Variants in SEMA5B observed in about 807,000 individuals in gnomAD.
SEMA5B encodes semaphorin-5B.
Under a neutral mutation model 135.0 loss-of-function variants are expected in SEMA5B, and 66 were observed. That is an observed-to-expected ratio of 0.49 (90% CI 0.40 to 0.60). SEMA5B has a LOEUF of 0.60. SEMA5B is among the 20% of genes least tolerant of loss of function. The probability of loss-of-function intolerance (pLI) is 0.00; values close to 1 mark genes in which losing one functional copy is unlikely to be tolerated. For synonymous variants in SEMA5B, 690 were observed against 639.5 expected (o/e 1.08, Z -1.19); for missense variants, 1,501 against 1,566.3 (o/e 0.96, Z 0.70).
intron 2 of SEMA5B, among the ~76,000 whole-genome samples, chr3:122,955,633 A>G (rs1940259467): frequency 6.6e-6 from 1 of 152,216 alleles, no homozygotes; most frequent in South Asian, 2.1e-4. Flanking sequence ...AGGGTTGTAT[A>G]GTATCATAGA....
intron 5 of SEMA5B, among the ~76,000 whole-genome samples, chr3:122,935,751 C>T (rs1353789539): frequency 3.1e-5 from 4 of 128,424 alleles, no homozygotes; most frequent in African/African-American, 6.1e-5. Flanking sequence ...GGTGCAGTGG[C>T]GTGATACCTG....
chr3:122,975,545 C>T (rs531108245), intron 1 of SEMA5B, among the ~76,000 whole-genome samples: 2 of 152,328 alleles, frequency 1.3e-5, no homozygotes, highest in East Asian at 1.9e-4. Context: ...TTCTCTCAAC[C>T]GTAAAACCAC....
At chr3:122,976,070 G>A (rs773446160) in intron 1 of SEMA5B, 1 of 1,535,182 alleles carries the variant, frequency 6.5e-7, no homozygotes, top group African/African-American at 1.4e-5. Flanking sequence ...CATCTATGAA[G>A]CTCCTTCTGA....
chr3:122,998,781 T>C (rs912139076), intron 1 of SEMA5B, among the ~76,000 whole-genome samples: 1 of 152,238 alleles, frequency 6.6e-6, no homozygotes, highest in Non-Finnish European at 1.5e-5. Flanking sequence ...CAAGTCTCAT[T>C]GGCTCAACTC....
intron 1 of SEMA5B, among the ~76,000 whole-genome samples, chr3:122,977,422 C>G (rs1317873600): frequency 2.0e-5 from 3 of 152,188 alleles, no homozygotes; most frequent in African/African-American, 7.2e-5. Flanking sequence ...CTCTTTGTTG[C>G]TTACCTGAAA....
chr3:122,979,244 C>T (rs150503551), intron 1 of SEMA5B, among the ~76,000 whole-genome samples: 4 of 152,260 alleles, frequency 2.6e-5, no homozygotes, highest in Non-Finnish European at 4.4e-5. Context: ...AAAGACCCGC[C>T]GAGGAGAACA....
rs796607467 is a variant in SEMA5B, at chr3:123,000,754, A to AT, written c.-39+26709dup. ...TGCTTCTTAACAGGGGAGCCATGGC[A>AT]TTTTTTGAGGGATGCACCTTCCTGG... On this transcript the variant is annotated intron_variant, in intron 1 of 22. Coordinates refer to ENST00000357599, the MANE Select transcript of SEMA5B (RefSeq NM_001031702.4). Among the ~76,000 whole-genome samples, 5 of 152,192 alleles carry AT rather than the reference A, an allele frequency of 3.3e-5. No individual in the cohort carries two copies. In the East Asian group the frequency reaches 5.8e-4, roughly 18 times the overall value.
Position 122,909,691 on chromosome 3 carries a change from T to A in SEMA5B, c.*452A>T, listed in dbSNP as rs895290826. On this transcript the variant is annotated 3_prime_UTR_variant, in exon 23 of 23. Transcript: ENST00000357599. ...GAGCTACTGGAGCCACTTGATTGATTACTTTCAGAGATAATCAGGATGTAG... is the reference window on the plus strand; with the variant it reads ...GAGCTACTGGAGCCACTTGATTGATAACTTTCAGAGATAATCAGGATGTAG... The A allele has an allele frequency of 6.5e-6, 1 of 155,018 alleles. No individual in the cohort carries two copies. Among genetic ancestry groups the A allele is most frequent in the African/African-American group, 2.4e-5 (1 of 41,542 alleles). The allele number at this position is 155,018 out of a possible 1,614,324, so 9.6% of individuals were successfully genotyped here. A position where few individuals can be genotyped will look rare whatever the true frequency, so the allele number is the denominator to read the frequency against.
Position 122,913,040 on chromosome 3 carries a change from C to T in SEMA5B, c.2528G>A (p.Arg843His). 2 of 1,556,354 alleles carry T rather than the reference C, an allele frequency of 1.3e-6. No individual in the cohort carries two copies. The highest frequency in any genetic ancestry group is 1.2e-5 in the South Asian group (1 of 84,096). The part of the protein sequence containing the change: ...DTDALVEVLL[R>H]SGSTSPHTVS... ...CGTGTGCGGGGAGGTGCTCCCGCTG[C>T]GCAGGAGGACCTCCACCAGGGCTGC... The change falls in exon 18 of 23, where the codon CGC becomes CAC. Residue 843 changes from arginine (R) to histidine (H), a missense_variant. Coordinates refer to ENST00000357599, the MANE Select transcript of SEMA5B (RefSeq NM_001031702.4).
intron 12 of SEMA5B, among the ~76,000 whole-genome samples, chr3:122,918,673 A>T (rs530929434): frequency 7.0e-4 from 106 of 152,344 alleles, no homozygotes; most frequent in South Asian, 1.9e-3. Context: ...GAGAAGAAAG[A>T]GGATACCAGA....
At chr3:122,983,514 G>A (rs568696922) in intron 1 of SEMA5B, among the ~76,000 whole-genome samples, 5 of 151,834 alleles carry the variant, frequency 3.3e-5, no homozygotes, top group African/African-American at 1.2e-4. Context: ...AGCTACTTTT[G>A]GGGGAGCACA....
intron 1 of SEMA5B, among the ~76,000 whole-genome samples, chr3:122,967,399 G>A: frequency 6.6e-6 from 1 of 152,274 alleles, no homozygotes; most frequent in South Asian, 2.1e-4. Flanking sequence ...TCCTAGGAGA[G>A]AAAGAGTAGC....
Position 122,927,821 on chromosome 3 carries a change from G to A in SEMA5B, c.819C>T (p.Arg273=). Residue 273 remains arginine (R), a synonymous_variant, in exon 8 of 23, where the codon CGC becomes CGT. Transcript: ENST00000357599. Reference sequence around the variant, plus strand: ...GCCACTTGGAGTTATATTGGGCAGTGCGAAGCGGTGGCCCACTGCCCAGGC... The same window carrying A: ...GCCACTTGGAGTTATATTGGGCAGTACGAAGCGGTGGCCCACTGCCCAGGC... ...YRSLGSGPPL[R]TAQYNSKWLN... 1 of 1,543,206 alleles carries A rather than the reference G, an allele frequency of 6.5e-7. No individual in the cohort carries two copies. The highest frequency in any genetic ancestry group is 8.7e-7 in the Non-Finnish European group (1 of 1,142,910).
At chr3:122,961,392 C>A in intron 1 of SEMA5B, 91 bp from the exon 2 acceptor site, 1 of 1,161,528 alleles carries the variant, frequency 8.6e-7, no homozygotes. Context: ...GCCCCAGGGA[C>A]CACATGGTTG....
intron 1 of SEMA5B, among the ~76,000 whole-genome samples, chr3:123,006,674 C>A (rs73859414): frequency 0.067 from 10,198 of 152,148 alleles, 999 homozygotes; most frequent in African/African-American, 0.22. Context: ...CTGAGAGAGC[C>A]AGGATGGCAA....
rs928922182 is a variant in SEMA5B at position 122,967,841 on chromosome 3, T to C, written c.-38-6540A>G. Among the ~76,000 whole-genome samples the C allele has an allele frequency of 6.6e-5, 10 of 152,362 alleles. No individual in the cohort carries two copies. In the East Asian group the frequency reaches 1.9e-3, roughly 29 times the overall value. On this transcript the variant is annotated intron_variant, in intron 1 of 22. Transcript: ENST00000357599. Reference sequence around the variant, plus strand: ...CCTTTCTGCCTTCCCAGAGGAGGACTGAGAAGGAGGTAGGGGAAGAAGTAG... The same window carrying C: ...CCTTTCTGCCTTCCCAGAGGAGGACCGAGAAGGAGGTAGGGGAAGAAGTAG...
At position 122,968,263 on chromosome 3, in the gene SEMA5B, A is replaced by G. The variant is rs543910481; in HGVS notation, c.-38-6962T>C. The stretch of plus-strand genomic sequence containing the variant: ...AGTTTAATTTGGATTATACTTCTGC[A>G]TCTATGCCACTCCTCTCTCATTATA... On this transcript the variant is annotated intron_variant, in intron 1 of 22. Coordinates refer to ENST00000357599, the MANE Select transcript of SEMA5B (RefSeq NM_001031702.4). Among the ~76,000 whole-genome samples, 56 of 152,346 alleles carry G rather than the reference A, an allele frequency of 3.7e-4. No individual in the cohort carries two copies. The Middle Eastern group carries it at 0.02, about 56-fold the overall frequency.
At chr3:122,961,045 A>T in intron 2 of SEMA5B, 95 bp downstream of exon 2, 1 of 1,306,554 alleles carries the variant, frequency 7.7e-7, no homozygotes, top group South Asian at 1.5e-5. Flanking sequence ...CCTAGGAGGT[A>T]TGCTGATGAT....
At chr3:122,942,854 C>T (rs992851302) in intron 4 of SEMA5B, among the ~76,000 whole-genome samples, 7 of 152,196 alleles carry the variant, frequency 4.6e-5, no homozygotes, top group African/African-American at 1.7e-4. Flanking sequence ...TAAGCCCCCT[C>T]CCTACCAGAG....
Sources: gnomAD v4.1 joint callset for allele counts (sites outside exome capture counted in the v4.1 genomes callset) on GRCh38, gnomAD v4.1.1 for gene constraint, MANE v1.5 for transcripts, NCBI Gene and HGNC (gene_info 2026-07-23, HGNC 2026-07-21) for gene names.